AP2A1: variants seen among roughly 807,000 people sequenced by gnomAD.
The protein encoded by AP2A1 is adaptor related protein complex 2 subunit alpha 1.
A neutral mutation model predicts 107.3 loss-of-function variants in AP2A1; 21 were observed. The ratio of observed to expected loss-of-function variants is 0.20; its 90% CI spans 0.14 to 0.28. AP2A1 has a LOEUF of 0.28. Among genes scored for constraint, AP2A1 ranks in the 10% least tolerant of loss-of-function variants. The pLI is 1.00. For synonymous variants in AP2A1, 602 were observed against 564.8 expected (o/e 1.07, Z -0.93); for missense variants, 873 against 1,307.7 (o/e 0.67, Z 5.13).
At chr19:49,802,446 T>C (rs1600244023) in intron 15 of AP2A1, 2 of 1,298,604 alleles carry the variant, frequency 1.5e-6, no homozygotes, top group African/African-American at 1.5e-5. Context: ...TCCCTCTCTG[T>C]CTCTCTTCTG....
At chr19:49,803,577 G>A (rs2073320957) in intron 18 of AP2A1, 3 of 598,606 alleles carry the variant, frequency 5.0e-6, no homozygotes, top group Non-Finnish European at 8.9e-6. Flanking sequence ...GAAGTGGTGT[G>A]TGGGAGGCTT....
chr19:49,783,614 G>T (rs918367696), intron 4 of AP2A1, among the ~76,000 whole-genome samples: 1 of 152,156 alleles, frequency 6.6e-6, no homozygotes, highest in African/African-American at 2.4e-5. Flanking sequence ...AGAAAATGAG[G>T]AGCACACAGG....
chr19:49,805,611 C>A, intron 19 of AP2A1, 35 bp downstream of exon 19: 1 of 1,557,966 alleles, frequency 6.4e-7, no homozygotes, highest in East Asian at 2.4e-5. Context: ...TGGGCGGAGC[C>A]TCCGGGGTGA....
chr19:49,772,246 GTTTTTTTTTTTTTTTT>G lies in AP2A1; in HGVS notation c.67+5062_67+5077del, dbSNP rs71180653. Among the ~76,000 whole-genome samples, 20 of 56,174 alleles carry G rather than the reference GTTTTTTTTTTTTTTTT, an allele frequency of 3.6e-4. No homozygotes were observed. The East Asian group carries it at 9.0e-3, about 25-fold the overall frequency. The allele number at this position is 56,174 out of a possible 152,430, so 36.9% of individuals were successfully genotyped here. On this transcript the variant is annotated intron_variant, in intron 1 of 22. Transcript: ENST00000354293. ...CAAATTTTTTTGTATTTTTCATAGAGTTTTTTTTTTTTTTTTTTTTTTTTTTTTTTTGAGATGGAGT... is the reference window on the plus strand; with the variant it reads ...CAAATTTTTTTGTATTTTTCATAGAGTTTTTTTTTTTTTTTGAGATGGAGT...
chr19:49,795,580 G>A (rs375568109), intron 6 of AP2A1, 50 bp from the exon 7 acceptor site: 25 of 870,374 alleles, frequency 2.9e-5, no homozygotes, highest in Admixed American at 1.0e-4. Flanking sequence ...GTGGACCCAC[G>A]TGCCCCTCCC....
intron 4 of AP2A1, 99 bp downstream of exon 4, chr19:49,782,823 C>T: frequency 2.2e-6 from 3 of 1,356,190 alleles, no homozygotes; most frequent in Non-Finnish European, 3.0e-6. Context: ...CCCAAGGTCT[C>T]CCAGCCGAGA....
chr19:49,792,938 C>G (rs1426935366), intron 5 of AP2A1, 53 bp from the exon 6 acceptor site: 1 of 1,483,624 alleles, frequency 6.7e-7, no homozygotes, highest in Non-Finnish European at 9.2e-7. Flanking sequence ...AGCCTCTGCT[C>G]TCAGGTACCA....
At chr19:49,795,106 G>A (rs2073195659) in intron 6 of AP2A1, among the ~76,000 whole-genome samples, 1 of 152,332 alleles carries the variant, frequency 6.6e-6, no homozygotes, top group East Asian at 1.9e-4. Context: ...GGGACTACAG[G>A]AAACAGCCTC....
chr19:49,791,808 C>A, intron 4 of AP2A1, 127 bp from the exon 5 acceptor site: 1 of 1,272,762 alleles, frequency 7.9e-7, no homozygotes, highest in Non-Finnish European at 1.1e-6. Flanking sequence ...GATCCTGCGG[C>A]CGCCTGGCTG....
chr19:49,767,274 A>T (rs2084512291), intron 1 of AP2A1, 74 bp downstream of exon 1: 1 of 1,563,672 alleles, frequency 6.4e-7, no homozygotes, highest in Non-Finnish European at 8.7e-7. Context: ...TGGGGATCAC[A>T]GAGGGACCCG....
At position 49,801,898 on chromosome 19, in the gene AP2A1, C is replaced by T. The variant is rs1020489315; in HGVS notation, c.1953+9C>T. The T allele has an allele frequency of 2.0e-6, 3 of 1,472,472 alleles. No homozygotes were observed. The highest frequency in any genetic ancestry group is 1.8e-4 in the Middle Eastern group (1 of 5,604). 91.2% of individuals were successfully genotyped at this position (1,472,472 alleles called of 1,614,324 possible). On this transcript the variant is annotated intron_variant, in intron 14 of 22. Coordinates refer to ENST00000354293, the MANE Select transcript of AP2A1 (RefSeq NM_130787.3). Reference sequence around the variant, plus strand: ...CCACCCCCAGCACTGTGGTGAGTCCCCTGGGGTGGGCCCTGCCAGGGTGCC... The same window carrying T: ...CCACCCCCAGCACTGTGGTGAGTCCTCTGGGGTGGGCCCTGCCAGGGTGCC...
chr19:49,806,665 C>G lies in AP2A1; in HGVS notation c.2791-16C>G, dbSNP rs772024156. The G allele has an allele frequency of 6.2e-6, 10 of 1,612,184 alleles. No homozygotes were observed. The Admixed American group carries it at 6.7e-5, about 11-fold the overall frequency. Reference sequence around the variant, plus strand: ...CCCCATCTCCTCTGAGTTCTGCCCCCAATGCCCCCACCCAGATGTACCGGC... The same window carrying G: ...CCCCATCTCCTCTGAGTTCTGCCCCGAATGCCCCCACCCAGATGTACCGGC... On this transcript the variant is annotated splice_polypyrimidine_tract_variant and intron_variant, in intron 22 of 22. Transcript: ENST00000354293.
At chr19:49,783,384 G>A (rs1193007272) in intron 4 of AP2A1, among the ~76,000 whole-genome samples, 1 of 151,974 alleles carries the variant, frequency 6.6e-6, no homozygotes, top group Non-Finnish European at 1.5e-5. Flanking sequence ...CCAGCTACTC[G>A]GGAAGCTGAG....
intron 11 of AP2A1, 118 bp from the exon 12 acceptor site, chr19:49,800,843 A>G: frequency 6.2e-6 from 5 of 808,550 alleles, no homozygotes; most frequent in Non-Finnish European, 9.6e-6. Flanking sequence ...TTTCCCACCT[A>G]TAACCCCACC....
At chr19:49,771,368 T>A (rs1004176423) in intron 1 of AP2A1, among the ~76,000 whole-genome samples, 8 of 144,266 alleles carry the variant, frequency 5.5e-5, no homozygotes, top group African/African-American at 7.7e-5. Context: ...TTGCACAACA[T>A]CATGAATGTA....
intron 1 of AP2A1, among the ~76,000 whole-genome samples, chr19:49,770,257 G>A (rs1032228532): frequency 5.9e-5 from 9 of 152,192 alleles, no homozygotes; most frequent in Non-Finnish European, 1.3e-4. Flanking sequence ...TCCCGTCACT[G>A]CAGGACCCCA....
At chr19:49,783,192 C>G (rs1213629661) in intron 4 of AP2A1, among the ~76,000 whole-genome samples, 1 of 152,168 alleles carries the variant, frequency 6.6e-6, no homozygotes, top group Non-Finnish European at 1.5e-5. Context: ...GGAAGAATTG[C>G]AGGATGAAGT....
At chr19:49,775,334 G>C (rs1292291836) in intron 1 of AP2A1, among the ~76,000 whole-genome samples, 1 of 151,966 alleles carries the variant, frequency 6.6e-6, no homozygotes, top group Admixed American at 6.6e-5. Flanking sequence ...AGTGTTTTTT[G>C]AGATGGAGTC....
rs767670899 is a variant in AP2A1, at chr19:49,803,072, G to T, written c.2172-35G>T. On this transcript the variant is annotated intron_variant, in intron 16 of 22. Coordinates refer to ENST00000354293, the MANE Select transcript of AP2A1 (RefSeq NM_130787.3). ...CGGAGCCCAGGCCAGGTGCAGACAG[G>T]CACCCCCGTCATCTTGCGCCCCCTG... The T allele has an allele frequency of 1.9e-6, 3 of 1,613,736 alleles. No homozygotes were observed. In the South Asian group the frequency reaches 3.3e-5, roughly 18 times the overall value.
Sources: allele counts gnomAD v4.1 joint callset (sites outside exome capture counted in the v4.1 genomes callset), GRCh38; gene constraint gnomAD v4.1.1; transcripts MANE v1.5; gene names NCBI Gene and HGNC (gene_info 2026-07-23, HGNC 2026-07-21).